MPHOSPH8: variants seen among roughly 807,000 people sequenced by gnomAD.
MPHOSPH8 encodes M-phase phosphoprotein, mpp.
MPHOSPH8 carries 45 observed loss-of-function variants against 87.3 expected under a neutral mutation model. That is an observed-to-expected ratio of 0.52 (90% confidence interval 0.41 to 0.66). The LOEUF (loss-of-function observed/expected upper bound fraction) is 0.66, where lower values mean the gene tolerates loss of function less well. Ranked by LOEUF, MPHOSPH8 falls within the 30% of genes least tolerant of loss-of-function variation. The probability of loss-of-function intolerance (pLI) is 0.00; values close to 1 mark genes in which losing one functional copy is unlikely to be tolerated. For synonymous variants in MPHOSPH8, 366 were observed against 376.9 expected, an observed-to-expected ratio of 0.97 and a Z score of 0.33; for missense variants, 883 against 1,020.2, an observed-to-expected ratio of 0.87 and a Z score of 1.83.
At chr13:19,644,289 C>G (rs1370265019) in intron 2 of MPHOSPH8, among the ~76,000 whole-genome samples, 1 of 152,180 alleles carries the variant, frequency 6.6e-6, no homozygotes, top group African/African-American at 2.4e-5. Flanking sequence ...CCTGCCCTCT[C>G]TCTCCCTCTA....
intron 10 of MPHOSPH8, among the ~76,000 whole-genome samples, chr13:19,668,146 T>C (rs576401648): frequency 2.2e-3 from 340 of 152,286 alleles, no homozygotes; most frequent in African/African-American, 8.0e-3. Context: ...GAGATGGAAA[T>C]GGCAGTGGAG....
In MPHOSPH8 at chr13:19,642,375, G is replaced by A. The variant is rs142774148; in HGVS notation, c.369+105G>A. ...TGATTTACAAATAACAAAGTGTACC[G>A]TATTCTTTAGTGTAAATTCCATGTA... On this transcript the variant is annotated intron_variant, in intron 2 of 13. Coordinates refer to ENST00000361479, the MANE Select transcript of MPHOSPH8 (RefSeq NM_017520.4). 1,665 of 957,620 alleles carry A rather than the reference G, an allele frequency of 1.7e-3. 11 individuals carry two copies. The African/African-American group carries it at 0.023, about 13-fold the overall frequency. The allele number at this position is 957,620 out of a possible 1,614,324, so 59.3% of individuals were successfully genotyped here. A position where few individuals can be genotyped will look rare whatever the true frequency, so the allele number is the denominator to read the frequency against.
At chr13:19,640,800 A>G (rs371026925) in intron 1 of MPHOSPH8, among the ~76,000 whole-genome samples, 42 of 152,314 alleles carry the variant, frequency 2.8e-4, no homozygotes, top group African/African-American at 9.1e-4. Flanking sequence ...AAAAAATGGA[A>G]AAGGGAGCGT....
At chr13:19,655,483 A>G (rs1173279469) in intron 5 of MPHOSPH8, among the ~76,000 whole-genome samples, 1 of 150,242 alleles carries the variant, frequency 6.7e-6, no homozygotes, top group African/African-American at 2.5e-5. Flanking sequence ...CACCACCACC[A>G]CCACCACCAC....
chr13:19,633,663 T>G lies in MPHOSPH8; in HGVS notation c.-86T>G, dbSNP rs1236885852. ...GTCGGCTTCCGTTACGCCGCTGATG[T>G]GGAGTAGGGCCGAGCGCGGAACGCG... On this transcript the variant is annotated 5_prime_UTR_variant, in exon 1 of 14. Transcript: ENST00000361479. 1 of 1,420,392 alleles carries G rather than the reference T, an allele frequency of 7.0e-7. No individual in the cohort carries two copies. The highest frequency in any genetic ancestry group is 9.7e-7 in the Non-Finnish European group (1 of 1,031,356). The allele number at this position is 1,420,392 out of a possible 1,614,324, so 88.0% of individuals were successfully genotyped here.
intron 2 of MPHOSPH8, among the ~76,000 whole-genome samples, chr13:19,645,290 G>A (rs1296838743): frequency 6.6e-6 from 1 of 152,204 alleles, no homozygotes; most frequent in African/African-American, 2.4e-5. Flanking sequence ...GGTAAGGCCT[G>A]TGTGGTAGGG....
At position 19,659,138 on chromosome 13, in the gene MPHOSPH8, T is replaced by C. The variant is rs1593484180; in HGVS notation, c.1702+18T>C. The stretch of plus-strand genomic sequence containing the variant: ...TCCAAGTAGTGAGTAGTTTTGGAAA[T>C]ATTGAAATCCCTTTCACAAATCTAG... On this transcript the variant is annotated intron_variant, in intron 6 of 13. Transcript: ENST00000361479. 1 of 1,612,038 alleles carries C rather than the reference T, an allele frequency of 6.2e-7. No individual in the cohort carries two copies.
At chr13:19,658,883 G>C (rs543126949) in intron 5 of MPHOSPH8, 112 bp from the exon 6 acceptor site, 20 of 1,327,106 alleles carry the variant, frequency 1.5e-5, no homozygotes, top group Non-Finnish European at 2.0e-5. Context: ...AATGACTTGT[G>C]TTAAAAGTGT....
At chr13:19,640,678 A>G (rs1234402908) in intron 1 of MPHOSPH8, among the ~76,000 whole-genome samples, 4 of 151,956 alleles carry the variant, frequency 2.6e-5, no homozygotes, top group African/African-American at 9.7e-5. Flanking sequence ...GCTGCCATCA[A>G]CCCTGGAAAT....
chr13:19,668,384 A>G lies in MPHOSPH8; in HGVS notation c.2182A>G (p.Arg728Gly). The change falls in exon 11 of 14, where the codon AGA (arginine) becomes GGA (glycine). Residue 728 changes from arginine (R) to glycine (G), a missense_variant. Physicochemically the swap from Arg to Gly is moderately radical, Grantham distance 125. This residue lies in a region of MPHOSPH8 where 741 missense variants were observed against 841.5 expected (regional missense o/e 0.88). Coordinates refer to ENST00000361479, the MANE Select transcript of MPHOSPH8 (RefSeq NM_017520.4). ...LLKNHLETLS[R>G]VAEETIKDYF... ...ACTATTTTTTTTTCTTAGACTTTCA[A>G]GAGTAGCAGAAGAGACAATAAAGGA... 1 of 1,612,142 alleles carries G rather than the reference A, an allele frequency of 6.2e-7. No homozygotes were observed. The highest frequency in any genetic ancestry group is 1.1e-5 in the South Asian group (1 of 90,556).
At chr13:19,656,500 C>T (rs1875184132) in intron 5 of MPHOSPH8, among the ~76,000 whole-genome samples, 1 of 152,106 alleles carries the variant, frequency 6.6e-6, no homozygotes, top group South Asian at 2.1e-4. Context: ...TGGCTCACAC[C>T]TATAATCCCA....
At chr13:19,667,660 C>G (rs1875890024) in intron 10 of MPHOSPH8, among the ~76,000 whole-genome samples, 1 of 152,144 alleles carries the variant, frequency 6.6e-6, no homozygotes, top group African/African-American at 2.4e-5. Flanking sequence ...ATTCAAGATT[C>G]CTTCCATGTC....
At chr13:19,649,029 T>C (rs1874713292) in intron 4 of MPHOSPH8, among the ~76,000 whole-genome samples, 1 of 152,220 alleles carries the variant, frequency 6.6e-6, no homozygotes, top group Non-Finnish European at 1.5e-5. Flanking sequence ...TTCCTTAGGT[T>C]TTCTTACTGA....
chr13:19,635,045 A>C (rs1298184171), intron 1 of MPHOSPH8, among the ~76,000 whole-genome samples: 1 of 152,176 alleles, frequency 6.6e-6, no homozygotes, highest in Non-Finnish European at 1.5e-5. Context: ...TCCTATGAGG[A>C]GTTAAGTAAT....
At chr13:19,644,532 C>G (rs914363697) in intron 2 of MPHOSPH8, among the ~76,000 whole-genome samples, 2 of 152,172 alleles carry the variant, frequency 1.3e-5, no homozygotes, top group African/African-American at 4.8e-5. Flanking sequence ...TGATGTTTGT[C>G]CAGTCATTTT....
chr13:19,651,251 G>A lies in MPHOSPH8; in HGVS notation c.1576+991G>A, dbSNP rs146597356. Among the ~76,000 whole-genome samples the A allele has an allele frequency of 3.9e-3, 588 of 152,308 alleles. 2 individuals carry two copies. Among genetic ancestry groups the A allele is most frequent in the African/African-American group, 9.3e-3 (386 of 41,570 alleles). On this transcript the variant is annotated intron_variant, in intron 5 of 13. Transcript: ENST00000361479. The stretch of plus-strand genomic sequence containing the variant: ...CAGTTGATTTGAAAACTAGCTAGGC[G>A]GCCAGGCACAGTGGCCTGTAGTCCC...
chr13:19,670,161 C>G (rs1198408738), intron 11 of MPHOSPH8, 75 bp from the exon 12 acceptor site: 9 of 1,568,322 alleles, frequency 5.7e-6, no homozygotes, highest in Non-Finnish European at 7.0e-6. Flanking sequence ...GGGCCTGCTT[C>G]CATCTGGTGT....
At chr13:19,651,112 A>C (rs79552378) in intron 5 of MPHOSPH8, among the ~76,000 whole-genome samples, 2,986 of 152,344 alleles carry the variant, frequency 0.02, 87 homozygotes, top group African/African-American at 0.068. Flanking sequence ...GTTTTCTATA[A>C]AATAAGCCTC....
At chr13:19,664,279 T>G (rs1168890674) in intron 9 of MPHOSPH8, among the ~76,000 whole-genome samples, 1 of 152,216 alleles carries the variant, frequency 6.6e-6, no homozygotes, top group Non-Finnish European at 1.5e-5. Context: ...TTTGTTTCCC[T>G]TCATTTGTTT....
Sources: allele counts gnomAD v4.1 joint callset (sites outside exome capture counted in the v4.1 genomes callset), GRCh38; gene constraint gnomAD v4.1.1; regional missense constraint gnomAD v4.1.1; transcripts MANE v1.5; gene names NCBI Gene and HGNC (gene_info 2026-07-23, HGNC 2026-07-21).